The following SCFD2 variants were observed in gnomAD, a reference collection of about 807,000 sequenced individuals.
The protein encoded by SCFD2 is sec1 family domain-containing protein 2.
In SCFD2, 54 loss-of-function variants were observed where a neutral mutation model predicts 58.9. That is an observed-to-expected ratio of 0.92 (90% CI 0.74 to 1.15). The LOEUF (loss-of-function observed/expected upper bound fraction) is 1.15. Ranked by LOEUF, SCFD2 falls within the 50% of genes most tolerant of loss-of-function variation. The probability of loss-of-function intolerance (pLI) is 0.00; values close to 1 mark genes in which losing one functional copy is unlikely to be tolerated. For missense variants in SCFD2, 805 were observed against 836.6 expected (o/e 0.96, Z 0.47); for synonymous variants, 321 against 335.9 (o/e 0.96, Z 0.49).
chr4:53,226,292 A>G (rs1729211870), intron 4 of SCFD2, among the ~76,000 whole-genome samples: 1 of 152,140 alleles, frequency 6.6e-6, no homozygotes, highest in Non-Finnish European at 1.5e-5. Context: ...CATTATTGGT[A>G]ATTATTTTTA....
At chr4:53,248,781 C>A (rs1432436814) in intron 4 of SCFD2, among the ~76,000 whole-genome samples, 3 of 152,206 alleles carry the variant, frequency 2.0e-5, no homozygotes, top group Admixed American at 6.5e-5. Context: ...ACAGAAAGGA[C>A]ACCCACACCA....
chr4:53,251,403 T>C (rs1730373495), intron 4 of SCFD2, among the ~76,000 whole-genome samples: 2 of 152,200 alleles, frequency 1.3e-5, no homozygotes, highest in South Asian at 4.1e-4. Flanking sequence ...AGCATCCTGA[T>C]ACCAAAGCCT....
intron 1 of SCFD2, among the ~76,000 whole-genome samples, chr4:53,356,480 C>T (rs193186742): frequency 1.6e-3 from 249 of 152,280 alleles, no homozygotes; most frequent in Non-Finnish European, 3.0e-3. Context: ...GGCAGGAGTG[C>T]AGTGGCTCAA....
chr4:53,320,414 G>A (rs1732990736), intron 2 of SCFD2, among the ~76,000 whole-genome samples: 1 of 152,094 alleles, frequency 6.6e-6, no homozygotes, highest in Non-Finnish European at 1.5e-5. Context: ...GTCAGGAGTT[G>A]GAGACCAGCC....
intron 2 of SCFD2, among the ~76,000 whole-genome samples, chr4:53,316,323 T>G (rs1286598964): frequency 6.6e-6 from 1 of 152,204 alleles, no homozygotes; most frequent in Non-Finnish European, 1.5e-5. Context: ...AGTGCAGATC[T>G]CTGGTGGGTA....
intron 5 of SCFD2, among the ~76,000 whole-genome samples, chr4:52,996,704 T>C (rs1463022470): frequency 6.6e-6 from 1 of 152,226 alleles, no homozygotes; most frequent in Non-Finnish European, 1.5e-5. Flanking sequence ...TGATTTATGA[T>C]TCTCCTGACC....
At chr4:53,341,559 C>T (rs965385863) in intron 2 of SCFD2, among the ~76,000 whole-genome samples, 1 of 152,136 alleles carries the variant, frequency 6.6e-6, no homozygotes, top group Non-Finnish European at 1.5e-5. Context: ...GAAAACTTCC[C>T]CAACCTAGCA....
At chr4:53,295,368 T>C (rs1325694314) in intron 3 of SCFD2, among the ~76,000 whole-genome samples, 3 of 152,190 alleles carry the variant, frequency 2.0e-5, no homozygotes, top group African/African-American at 7.2e-5. Context: ...CCCTTGCAAG[T>C]TGAATTCCAA....
At chr4:53,335,100 G>C (rs139263136) in intron 2 of SCFD2, among the ~76,000 whole-genome samples, 3 of 147,550 alleles carry the variant, frequency 2.0e-5, no homozygotes, top group Non-Finnish European at 4.4e-5. Flanking sequence ...AATGACTGAG[G>C]CTCAAGAATT....
intron 4 of SCFD2, among the ~76,000 whole-genome samples, chr4:53,156,281 C>A (rs1334136282): frequency 6.6e-6 from 1 of 151,946 alleles, no homozygotes; most frequent in East Asian, 1.9e-4. Flanking sequence ...CACCTGTAAT[C>A]CCAGCTACTC....
chr4:53,330,485 C>A (rs1326195391), intron 2 of SCFD2, among the ~76,000 whole-genome samples: 2 of 152,054 alleles, frequency 1.3e-5, no homozygotes, highest in African/African-American at 4.8e-5. Flanking sequence ...ATTTCACATC[C>A]AGCCAAACTA....
chr4:53,130,459 T>A (rs1725756250), intron 5 of SCFD2, among the ~76,000 whole-genome samples: 1 of 152,228 alleles, frequency 6.6e-6, no homozygotes. Context: ...GTATCTAGTT[T>A]TTGTACATTG....
chr4:53,145,040 GAGGGATCT>G (rs2148912356), intron 5 of SCFD2, among the ~76,000 whole-genome samples: 1 of 152,290 alleles, frequency 6.6e-6, no homozygotes, highest in Admixed American at 6.5e-5. Flanking sequence ...GTGCACATAT[GAGGGATCT>G]AGGTTGCATG....
chr4:53,339,642 C>T (rs1733800709), intron 2 of SCFD2, among the ~76,000 whole-genome samples: 4 of 151,964 alleles, frequency 2.6e-5, no homozygotes, highest in Admixed American at 2.0e-4. Context: ...TGGTGGTGCA[C>T]ACCTGTAGTC....
intron 5 of SCFD2, among the ~76,000 whole-genome samples, chr4:52,960,098 C>A (rs2109539565): frequency 6.6e-6 from 1 of 152,274 alleles, no homozygotes; most frequent in Admixed American, 6.5e-5. Flanking sequence ...CCCTCTCACC[C>A]TATTATCTTC....
chr4:53,132,627 C>T (rs201172576), intron 5 of SCFD2, among the ~76,000 whole-genome samples: 1 of 152,186 alleles, frequency 6.6e-6, no homozygotes, highest in East Asian at 1.9e-4. Context: ...GTTCCCCCTA[C>T]ACCCTGAAGT....
intron 4 of SCFD2, among the ~76,000 whole-genome samples, chr4:53,205,753 T>C (rs1728386400): frequency 6.6e-6 from 1 of 151,442 alleles, no homozygotes; most frequent in African/African-American, 2.4e-5. Flanking sequence ...TCCCAGCTAC[T>C]CGGGAGGCTG....
At chr4:53,181,716 G>C (rs1054468651) in intron 4 of SCFD2, among the ~76,000 whole-genome samples, 1 of 152,192 alleles carries the variant, frequency 6.6e-6, no homozygotes, top group Non-Finnish European at 1.5e-5. Context: ...AAGTCAAATT[G>C]TCCCTGTTTG....
At chr4:53,228,086 CAGGAACA>C (rs1220216327) in intron 4 of SCFD2, among the ~76,000 whole-genome samples, 3 of 152,104 alleles carry the variant, frequency 2.0e-5, no homozygotes, top group Non-Finnish European at 4.4e-5. Context: ...CTCTGTAAAA[CAGGAACA>C]AGGATAGTTC....
Sources: allele counts gnomAD v4.1 joint callset (sites outside exome capture counted in the v4.1 genomes callset), GRCh38; gene constraint gnomAD v4.1.1; transcripts MANE v1.5; gene names NCBI Gene and HGNC (gene_info 2026-07-23, HGNC 2026-07-21).